Variants in ANKS1B observed in about 807,000 individuals in gnomAD.
ANKS1B encodes ankyrin repeat and sterile alpha motif domain containing 1B, also known as ankyrin repeat and sterile alpha motif domain-containing protein 1B.
Under a neutral mutation model 148.3 loss-of-function variants are expected in ANKS1B, and 36 were observed. That is an observed-to-expected ratio of 0.24 (90% CI 0.19 to 0.32). ANKS1B has a LOEUF of 0.32. Ranked by LOEUF, ANKS1B falls within the 10% of genes least tolerant of loss-of-function variation. The pLI is 1.00. For synonymous variants in ANKS1B, 542 were observed against 560.8 expected (o/e 0.97, Z 0.47); for missense variants, 1,157 against 1,542.6 (o/e 0.75, Z 4.19).
In ANKS1B at chr12:98,820,941, A is replaced by G. The variant is rs997030536; in HGVS notation, c.3066+8233T>C. ...TACTCCCAGATGCAGTTGAGAAAGC[A>G]TAATGTAGAAGAAAACTAGAAGTTA... is the stretch of plus-strand genomic sequence containing the variant. On this transcript the variant is annotated intron_variant, in intron 19 of 26. Coordinates refer to ENST00000683438, the MANE Select transcript of ANKS1B (RefSeq NM_001352186.2). Among the ~76,000 whole-genome samples, 5 of 152,388 alleles carry G rather than the reference A, an allele frequency of 3.3e-5. No homozygotes were observed. In the South Asian group the frequency reaches 8.3e-4, roughly 25 times the overall value.
In ANKS1B at chr12:99,109,106, CT is replaced by C. The variant is rs1440177991; in HGVS notation, c.2527-24084del. Among the ~76,000 whole-genome samples, 4 of 152,170 alleles carry C rather than the reference CT, an allele frequency of 2.6e-5. 1 individual carries two copies. Among genetic ancestry groups the C allele is most frequent in the Admixed American group, 2.0e-4 (3 of 15,266 alleles). On this transcript the variant is annotated intron_variant, in intron 15 of 26. Transcript: ENST00000683438. ...TGATACCTGCCCTCAAGGTTGCTCC[CT>C]GGCTGGTCAGGGAACTCACACTGAG... is the stretch of plus-strand genomic sequence containing the variant.
chr12:99,613,562 T>C lies in ANKS1B; in HGVS notation c.1272+41505A>G, dbSNP rs553240165. Among the ~76,000 whole-genome samples, 4 of 151,996 alleles carry C rather than the reference T, an allele frequency of 2.6e-5. 1 individual carries two copies. In the South Asian group the frequency reaches 8.3e-4, roughly 32 times the overall value. Reference sequence around the variant, plus strand: ...ATCATGTCCTTTTCAGGGACATGGATGGAGGTGGAGGCCATTATCCTTAGA... The same window carrying C: ...ATCATGTCCTTTTCAGGGACATGGACGGAGGTGGAGGCCATTATCCTTAGA... On this transcript the variant is annotated intron_variant, in intron 9 of 26. Transcript: ENST00000683438.
At chr12:99,419,242 T>C (rs1030239226) in intron 11 of ANKS1B, among the ~76,000 whole-genome samples, 1 of 152,220 alleles carries the variant, frequency 6.6e-6, no homozygotes, top group African/African-American at 2.4e-5. Context: ...GCTTGGAGAT[T>C]TATTTTTTGA....
chr12:98,970,417 T>A (rs748678030), intron 17 of ANKS1B, among the ~76,000 whole-genome samples: 19 of 152,206 alleles, frequency 1.2e-4, no homozygotes, highest in Non-Finnish European at 2.1e-4. Flanking sequence ...TGGTTTGGCC[T>A]AGCATAGTAC....
intron 1 of ANKS1B, among the ~76,000 whole-genome samples, chr12:99,841,773 A>G (rs2153697957): frequency 1.3e-5 from 2 of 152,132 alleles, no homozygotes; most frequent in East Asian, 3.9e-4. Flanking sequence ...TAATTTATTG[A>G]CTAGAAATCA....
intron 17 of ANKS1B, among the ~76,000 whole-genome samples, chr12:98,907,883 C>A (rs953141590): frequency 6.6e-6 from 1 of 152,180 alleles, no homozygotes; most frequent in African/African-American, 2.4e-5. Flanking sequence ...CTTTCTCTTG[C>A]CTGCTGCCAT....
intron 9 of ANKS1B, among the ~76,000 whole-genome samples, chr12:99,635,204 T>C (rs552949320): frequency 1.3e-5 from 2 of 152,198 alleles, no homozygotes; most frequent in Non-Finnish European, 2.9e-5. Context: ...CTGCAGTTCC[T>C]CTTAAAATTA....
chr12:99,282,671 C>T (rs1344053763), intron 12 of ANKS1B, among the ~76,000 whole-genome samples: 7 of 151,962 alleles, frequency 4.6e-5, no homozygotes, highest in Admixed American at 3.3e-4. Flanking sequence ...ACTGATGTAT[C>T]GGATGTGCCA....
At chr12:99,250,116 T>C (rs2074383603) in intron 12 of ANKS1B, among the ~76,000 whole-genome samples, 1 of 152,192 alleles carries the variant, frequency 6.6e-6, no homozygotes, top group African/African-American at 2.4e-5. Context: ...GAGCCTTTAC[T>C]ATGGTTTCCA....
intron 11 of ANKS1B, among the ~76,000 whole-genome samples, chr12:99,439,778 A>G (rs2095519747): frequency 6.6e-6 from 1 of 151,770 alleles, no homozygotes; most frequent in Admixed American, 6.6e-5. Context: ...CTGTGATCCA[A>G]CAATGCCATT....
chr12:99,660,554 G>C (rs2098472329), intron 8 of ANKS1B, among the ~76,000 whole-genome samples: 1 of 151,442 alleles, frequency 6.6e-6, no homozygotes, highest in African/African-American at 2.4e-5. Flanking sequence ...GTAGAGATGG[G>C]GTTTCACCAT....
At chr12:99,595,131 A>G (rs1177685895) in intron 9 of ANKS1B, among the ~76,000 whole-genome samples, 1 of 152,008 alleles carries the variant, frequency 6.6e-6, no homozygotes, top group Non-Finnish European at 1.5e-5. Context: ...TTGTATAGTC[A>G]TATAAGAATT....
intron 12 of ANKS1B, among the ~76,000 whole-genome samples, chr12:99,304,063 T>G (rs1481531016): frequency 6.6e-6 from 1 of 152,200 alleles, no homozygotes; most frequent in Non-Finnish European, 1.5e-5. Flanking sequence ...CGAATTGTGC[T>G]GCTATAAACA....
intron 12 of ANKS1B, among the ~76,000 whole-genome samples, chr12:99,255,546 T>C (rs1347346047): frequency 3.9e-5 from 6 of 152,136 alleles, no homozygotes; most frequent in Non-Finnish European, 5.9e-5. Context: ...ATAAAATTTC[T>C]TAAGCTGGCA....
intron 12 of ANKS1B, among the ~76,000 whole-genome samples, chr12:99,260,176 T>C (rs1215331416): frequency 2.0e-5 from 3 of 152,156 alleles, no homozygotes; most frequent in Non-Finnish European, 4.4e-5. Context: ...CAATGGATTA[T>C]GAATGTGAAA....
At chr12:99,838,719 T>C (rs2085241550) in intron 1 of ANKS1B, among the ~76,000 whole-genome samples, 1 of 152,142 alleles carries the variant, frequency 6.6e-6, no homozygotes, top group African/African-American at 2.4e-5. Context: ...ATGATAACAA[T>C]ATTCTCTAGT....
intron 12 of ANKS1B, among the ~76,000 whole-genome samples, chr12:99,317,749 C>T (rs537494216): frequency 1.3e-5 from 2 of 152,258 alleles, no homozygotes; most frequent in Admixed American, 6.5e-5. Context: ...TGCCAGTTTT[C>T]AAAGGGAATG....
At chr12:99,613,817 T>G (rs2153352188) in intron 9 of ANKS1B, among the ~76,000 whole-genome samples, 1 of 152,042 alleles carries the variant, frequency 6.6e-6, no homozygotes, top group South Asian at 2.1e-4. Context: ...CGTTTACTTA[T>G]GTAACAAACC....
chr12:99,061,737 T>A (rs1345076122), intron 16 of ANKS1B, among the ~76,000 whole-genome samples: 1 of 152,242 alleles, frequency 6.6e-6, no homozygotes, highest in East Asian at 1.9e-4. Context: ...ATAAGGCAGT[T>A]TCATGTAGAA....
Sources: allele counts gnomAD v4.1 joint callset (sites outside exome capture counted in the v4.1 genomes callset), GRCh38; gene constraint gnomAD v4.1.1; transcripts MANE v1.5; gene names NCBI Gene and HGNC (gene_info 2026-07-23, HGNC 2026-07-21).